The following MMP27 variants were observed in gnomAD, a reference collection of about 807,000 sequenced individuals.
The protein encoded by MMP27 is matrix metalloproteinase-27.
MMP27 carries 51 observed loss-of-function variants against 48.1 expected under a neutral mutation model. That is an observed-to-expected ratio of 1.06 (90% CI 0.85 to 1.34). MMP27 has a LOEUF of 1.34. Ranked by LOEUF, MMP27 falls within the 40% of genes most tolerant of loss-of-function variation. The pLI, the probability that MMP27 is intolerant of heterozygous loss-of-function variation, is 0.00. For missense variants in MMP27, 698 were observed against 619.3 expected, an observed-to-expected ratio of 1.13 and a Z score of -1.35; for synonymous variants, 229 against 208.9, an observed-to-expected ratio of 1.10 and a Z score of -0.83.
chr11:102,699,813 A>G (rs1425432933), intron 4 of MMP27, among the ~76,000 whole-genome samples: 1 of 152,204 alleles, frequency 6.6e-6, no homozygotes, highest in African/African-American at 2.4e-5. Context: ...TCTGAATCCT[A>G]TTCGCCATTT....
chr11:102,695,233 C>A (rs1332554966), intron 6 of MMP27, 136 bp from the exon 7 acceptor site: 3 of 1,041,468 alleles, frequency 2.9e-6, no homozygotes, highest in East Asian at 2.5e-5. Context: ...TAATTTTCCC[C>A]AGTAAATTTA....
intron 7 of MMP27, among the ~76,000 whole-genome samples, chr11:102,694,718 G>T (rs1357926657): frequency 6.6e-6 from 1 of 152,014 alleles, no homozygotes; most frequent in African/African-American, 2.4e-5. Flanking sequence ...CCTTTATTTG[G>T]CAGAAAAAGA....
At chr11:102,692,467 A>G (rs892432375) in intron 9 of MMP27, among the ~76,000 whole-genome samples, 1 of 152,236 alleles carries the variant, frequency 6.6e-6, no homozygotes, top group African/African-American at 2.4e-5. Flanking sequence ...CCCATGGTCT[A>G]GGTCATTGTC....
At chr11:102,693,721 G>A (rs900984953) in intron 8 of MMP27, among the ~76,000 whole-genome samples, 185 bp downstream of exon 8, 1 of 152,080 alleles carries the variant, frequency 6.6e-6, no homozygotes, top group African/African-American at 2.4e-5. Flanking sequence ...GGAGGTCGAG[G>A]CTGCAGTGAG....
rs769414842 is a variant in MMP27 at position 102,695,020 on chromosome 11, G to A, written c.980C>T (p.Ala327Val). ...LIASFWPSLP[A>V]DLQAAYENPR... is the part of the protein sequence containing the mutation. ...GTTCTCGTATGCAGCTTGCAGATCAGCTGGCAGAGATGGCCAGAATGAAGC... is the reference window on the plus strand; with the variant it reads ...GTTCTCGTATGCAGCTTGCAGATCAACTGGCAGAGATGGCCAGAATGAAGC... The change falls in exon 7 of 10, where the codon GCT (alanine) becomes GTT (valine). Residue 327 changes from alanine (A) to valine (V), a missense_variant. By Grantham distance (64) the Ala-to-Val change is moderately conservative. Transcript: ENST00000260229. The A allele has an allele frequency of 1.9e-6, 3 of 1,613,984 alleles. No homozygotes were observed. Among genetic ancestry groups the A allele is most frequent in the African/African-American group, 1.3e-5 (1 of 75,026 alleles).
chr11:102,697,857 C>A (rs1860860216), intron 4 of MMP27, among the ~76,000 whole-genome samples: 1 of 152,150 alleles, frequency 6.6e-6, no homozygotes, highest in East Asian at 1.9e-4. Flanking sequence ...GCTTAAAACA[C>A]AAACTTGTTG....
Position 102,704,554 on chromosome 11 carries a change from T to C in MMP27, c.324A>G (p.Lys108=). 1 of 1,613,312 alleles carries C rather than the reference T, an allele frequency of 6.2e-7. No individual in the cohort carries two copies. The highest frequency in any genetic ancestry group is 1.7e-4 in the Middle Eastern group (1 of 6,050). ...QYGYTLPGWR[K]YNLTYRIINY... is the part of the protein sequence containing the mutation. ...AGCATTACCTGTAGGTGAGGTTGTA[T>C]TTTCTCCACCCAGGGAGGGTGTAGC... Residue 108 remains lysine (K), a synonymous_variant, in exon 2 of 10, where the codon AAA becomes AAG. Coordinates refer to ENST00000260229, the MANE Select transcript of MMP27 (RefSeq NM_022122.3).
rs561947333 is a variant in MMP27 at position 102,691,556 on chromosome 11, C to T, written c.*210G>A. 2 of 457,532 alleles carry T rather than the reference C, an allele frequency of 4.4e-6. No individual in the cohort carries two copies. Among genetic ancestry groups the T allele is most frequent in the African/African-American group, 2.0e-5 (1 of 50,218 alleles). The allele number at this position is 457,532 out of a possible 1,614,324, so 28.3% of individuals were successfully genotyped here. On this transcript the variant is annotated 3_prime_UTR_variant, in exon 10 of 10. Coordinates refer to ENST00000260229, the MANE Select transcript of MMP27 (RefSeq NM_022122.3). ...ATAAGACATGTCTTCTCCAAGTCCA[C>T]AAAGCATGAAATAGGCTTAAAGTAC... is the stretch of plus-strand genomic sequence containing the variant.
rs569237906 is a variant in MMP27, at chr11:102,694,093, T to C, written c.1034-28A>G. 44 of 1,490,256 alleles carry C rather than the reference T, an allele frequency of 3.0e-5. No individual in the cohort carries two copies. In the South Asian group the frequency reaches 5.4e-4, roughly 18 times the overall value. The allele number at this position is 1,490,256 out of a possible 1,614,324, so 92.3% of individuals were successfully genotyped here. A position where few individuals can be genotyped will look rare whatever the true frequency, so the allele number is the denominator to read the frequency against. On this transcript the variant is annotated intron_variant, in intron 7 of 9. Coordinates refer to ENST00000260229, the MANE Select transcript of MMP27 (RefSeq NM_022122.3). Reference sequence around the variant, plus strand: ...AGGAAGAGAGGAGTGATTATTTATTTTCTAGAGGGAGAAATAGGTATCTCA... The same window carrying C: ...AGGAAGAGAGGAGTGATTATTTATTCTCTAGAGGGAGAAATAGGTATCTCA...
intron 6 of MMP27, among the ~76,000 whole-genome samples, chr11:102,695,955 C>T (rs1860818123): frequency 6.6e-6 from 1 of 152,172 alleles, no homozygotes; most frequent in Non-Finnish European, 1.5e-5. Flanking sequence ...TAATCATTTG[C>T]TGATTTTCAG....
At position 102,704,631 on chromosome 11, in the gene MMP27, G is replaced by C. The variant is rs1861010701; in HGVS notation, c.247C>G (p.Leu83Val). 6.2e-7 allele frequency: 1 copy of C among 1,613,986 alleles called. No individual in the cohort carries two copies. The highest frequency in any genetic ancestry group is 1.3e-5 in the African/African-American group (1 of 74,892). Reference sequence around the variant, plus strand: ...CACCTGGGTGTCTTCATGATCTCAAGGGTGTTTGAGTCCAGTTTTCCAGTC... The same window carrying C: ...CACCTGGGTGTCTTCATGATCTCAACGGTGTTTGAGTCCAGTTTTCCAGTC... Reference protein sequence around the residue: ...TVTGKLDSNTLEIMKTPRCGV... With the variant: ...TVTGKLDSNTVEIMKTPRCGV... The change falls in exon 2 of 10, where the codon CTT becomes GTT. Residue 83 changes from leucine to valine, a missense_variant. Leu to Val is a conservative substitution (Grantham distance 32, BLOSUM62 1). Transcript: ENST00000260229.
chr11:102,700,497 T>C (rs1277464663), intron 4 of MMP27, among the ~76,000 whole-genome samples: 2 of 152,220 alleles, frequency 1.3e-5, no homozygotes, highest in Non-Finnish European at 2.9e-5. Flanking sequence ...TCACCTTTAT[T>C]AACCTAGTTA....
intron 6 of MMP27, 123 bp from the exon 7 acceptor site, chr11:102,695,220 G>T: frequency 8.9e-7 from 1 of 1,124,020 alleles, no homozygotes; most frequent in Non-Finnish European, 1.3e-6. Context: ...GAGATAATTA[G>T]CATAATTTTC....
chr11:102,693,839 C>A, intron 8 of MMP27, 67 bp downstream of exon 8: 1 of 1,323,720 alleles, frequency 7.6e-7, no homozygotes, highest in Non-Finnish European at 1.0e-6. Flanking sequence ...TTGTCTGTGT[C>A]AAAGTGATGC....
chr11:102,696,270 G>A, intron 6 of MMP27, 101 bp downstream of exon 6: 1 of 1,182,392 alleles, frequency 8.5e-7, no homozygotes, highest in Non-Finnish European at 1.2e-6. Flanking sequence ...AAGATAAAAG[G>A]CACACATTTT....
chr11:102,704,927 G>A, intron 1 of MMP27, 152 bp from the exon 2 acceptor site: 2 of 593,946 alleles, frequency 3.4e-6, no homozygotes, highest in Non-Finnish European at 3.0e-6. Flanking sequence ...GAGTGAAGGA[G>A]GAAAGAAGAA....
At chr11:102,694,932 A>G (rs759484028) in intron 7 of MMP27, 35 bp downstream of exon 7, 2 of 1,611,522 alleles carry the variant, frequency 1.2e-6, no homozygotes, top group East Asian at 4.5e-5. Flanking sequence ...TCAGGCAGCC[A>G]GAGGGAGAAG....
intron 2 of MMP27, among the ~76,000 whole-genome samples, chr11:102,703,321 A>T (rs1209726800): frequency 6.6e-6 from 1 of 152,188 alleles, no homozygotes. Flanking sequence ...TATCTTCCCT[A>T]TGAATCAGTA....
At chr11:102,698,343 T>G (rs1182348624) in intron 4 of MMP27, among the ~76,000 whole-genome samples, 2 of 152,146 alleles carry the variant, frequency 1.3e-5, no homozygotes, top group African/African-American at 2.4e-5. Context: ...CACTGTCATA[T>G]CCATAGTCCA....
Sources: allele counts gnomAD v4.1 joint callset (sites outside exome capture counted in the v4.1 genomes callset), GRCh38; gene constraint gnomAD v4.1.1; transcripts MANE v1.5; gene names NCBI Gene and HGNC (gene_info 2026-07-23, HGNC 2026-07-21).